Variants in ASH1L observed in about 807,000 individuals in gnomAD.
ASH1L encodes ASH1 like histone lysine methyltransferase, also known as histone-lysine N-methyltransferase ASH1L.
Under a neutral mutation model 269.0 loss-of-function variants are expected in ASH1L, and 23 were observed. The observed-to-expected ratio is 0.09, with a 90% CI of 0.06 to 0.12. ASH1L has a LOEUF of 0.12. Ranked by LOEUF, ASH1L falls within the 10% of genes least tolerant of loss-of-function variation. The pLI, the probability that ASH1L is intolerant of heterozygous loss-of-function variation, is 1.00. For synonymous variants in ASH1L, 1,187 were observed against 1,253.5 expected (o/e 0.95, Z 1.12); for missense variants, 2,912 against 3,567.8 (o/e 0.82, Z 4.68).
intron 13 of ASH1L, among the ~76,000 whole-genome samples, chr1:155,358,004 C>T (rs946122492): frequency 1.3e-5 from 2 of 152,022 alleles, no homozygotes; most frequent in Non-Finnish European, 2.9e-5. Context: ...CTCCAGGGCT[C>T]GAGCAACTCT....
At position 155,480,606 on chromosome 1, in the gene ASH1L, G is replaced by A; in HGVS notation, c.2264C>T (p.Ser755Phe). 1.2e-6 allele frequency: 2 copies of A among 1,614,110 alleles called. No individual in the cohort carries two copies. Among genetic ancestry groups the A allele is most frequent in the Non-Finnish European group, 1.7e-6 (2 of 1,179,976 alleles). Residue 755 changes from serine (S) to phenylalanine (F), a missense_variant, in exon 3 of 28, where the codon TCT (serine) becomes TTT (phenylalanine). Physicochemically the swap from Ser to Phe is radical, Grantham distance 155 (BLOSUM62 -2). This residue lies in a region of ASH1L where 715 missense variants were observed against 721.0 expected (regional missense o/e 0.99). Transcript: ENST00000392403. ...GTTTTTCATAAACTTGGCTGGCTCA[G>A]AATTACTATTTGATAGTGAGCTACA... ...VSCSSLSNSN[S>F]EPAKFMKNIG...
At chr1:155,432,791 A>G (rs1003070978) in intron 5 of ASH1L, among the ~76,000 whole-genome samples, 8 of 152,184 alleles carry the variant, frequency 5.3e-5, no homozygotes, top group Admixed American at 2.0e-4. Context: ...GTTGGAGTGC[A>G]GTGGTACAAT....
At position 155,459,790 on chromosome 1, in the gene ASH1L, C is replaced by T; in HGVS notation, c.5086+7G>A. On this transcript the variant is annotated splice_region_variant and intron_variant, in intron 4 of 27. Transcript: ENST00000392403. ...CTTGAAAATCTGGTAAAACAAATAG[C>T]ACTAGCCTGTTGAAGAAGTACTCTC... 1 of 1,604,680 alleles carries T rather than the reference C, an allele frequency of 6.2e-7. No individual in the cohort carries two copies. Among genetic ancestry groups the T allele is most frequent in the Middle Eastern group, 1.7e-4 (1 of 6,034 alleles).
chr1:155,411,578 A>ATAT (rs1558075462), intron 6 of ASH1L, among the ~76,000 whole-genome samples: 15 of 21,124 alleles, frequency 7.1e-4, no homozygotes, highest in African/African-American at 1.8e-3. Context: ...AATATAAATA[A>ATAT]ATAAATAAAT....
At position 155,380,094 on chromosome 1, in the gene ASH1L, TCTCTTTTGTCTTAGATACTTTCCTGAAA is replaced by T; in HGVS notation, c.6104-6_6125del. The T allele has an allele frequency of 6.2e-7, 1 of 1,613,114 alleles. No homozygotes were observed. Among genetic ancestry groups the T allele is most frequent in the Non-Finnish European group, 8.5e-7 (1 of 1,179,270 alleles). On this transcript the variant is annotated splice_acceptor_variant and splice_polypyrimidine_tract_variant and coding_sequence_variant and intron_variant, in exon 8 of 28. Transcript: ENST00000392403. LOFTEE classifies it high-confidence loss of function. ...TATCATAAGGAAGCTGGAAGTCAATTCTCTTTTGTCTTAGATACTTTCCTGAAACAAAAAACACTATTAATTTCAATAC... is the reference window on the plus strand; with the variant it reads ...TATCATAAGGAAGCTGGAAGTCAATTCAAAAAACACTATTAATTTCAATAC...
chr1:155,369,209 C>A (rs374848898), intron 12 of ASH1L, among the ~76,000 whole-genome samples: 4 of 152,140 alleles, frequency 2.6e-5, no homozygotes, highest in African/African-American at 9.6e-5. Context: ...TTTGGGAGGC[C>A]GAGGCGGGCG....
At chr1:155,456,636 T>C (rs747098815) in intron 4 of ASH1L, among the ~76,000 whole-genome samples, 2 of 152,158 alleles carry the variant, frequency 1.3e-5, no homozygotes, top group Non-Finnish European at 2.9e-5. Context: ...TTCATATATA[T>C]ACTGGTAGAT....
chr1:155,365,741 T>C (rs1444253309), intron 12 of ASH1L, among the ~76,000 whole-genome samples: 1 of 152,164 alleles, frequency 6.6e-6, no homozygotes, highest in East Asian at 1.9e-4. Flanking sequence ...ACTGGCCTCA[T>C]ACCTTTTCCA....
At chr1:155,455,456 T>G (rs1571258389) in intron 4 of ASH1L, among the ~76,000 whole-genome samples, 1 of 141,780 alleles carries the variant, frequency 7.1e-6, no homozygotes, top group South Asian at 2.3e-4. Flanking sequence ...TTGAGGCATC[T>G]TATCCAAAAT....
At chr1:155,377,212 A>G (rs879546927) in intron 10 of ASH1L, among the ~76,000 whole-genome samples, 29 of 152,160 alleles carry the variant, frequency 1.9e-4, no homozygotes, top group Non-Finnish European at 3.5e-4. Context: ...AGCCAAATTC[A>G]TAATTCTTAT....
chr1:155,437,337 G>GT (rs1558104022), intron 5 of ASH1L, among the ~76,000 whole-genome samples: 1 of 152,078 alleles, frequency 6.6e-6, no homozygotes, highest in Non-Finnish European at 1.5e-5. Flanking sequence ...GCCAATAAGC[G>GT]TATGAAAATA....
chr1:155,514,853 T>C (rs993461157), intron 2 of ASH1L, among the ~76,000 whole-genome samples: 1 of 151,726 alleles, frequency 6.6e-6, no homozygotes, highest in Non-Finnish European at 1.5e-5. Flanking sequence ...GCCGAGGAAC[T>C]CGGCAACTTC....
chr1:155,440,567 A>C, intron 4 of ASH1L: 1 of 951,694 alleles, frequency 1.1e-6, no homozygotes, highest in Non-Finnish European at 1.3e-6. Context: ...GTGACTTCTA[A>C]ATATTCATAC....
chr1:155,525,838 C>G (rs933763563), intron 1 of ASH1L, among the ~76,000 whole-genome samples: 9 of 151,588 alleles, frequency 5.9e-5, no homozygotes, highest in Non-Finnish European at 1.3e-4. Context: ...ATACCAAAAT[C>G]TGACGATGCT....
rs1192640395 is a variant in ASH1L at position 155,513,323 on chromosome 1, T to C, written c.420+7777A>G. Among the ~76,000 whole-genome samples, 3 of 151,892 alleles carry C rather than the reference T, an allele frequency of 2.0e-5. No individual in the cohort carries two copies. In the East Asian group the frequency reaches 5.8e-4, roughly 29 times the overall value. On this transcript the variant is annotated intron_variant, in intron 2 of 27. Transcript: ENST00000392403. Reference sequence around the variant, plus strand: ...TGGCTCACATGTAAATCCTAGCACTTTGGGAGGCTGAGACAGACAGACTGT... The same window carrying C: ...TGGCTCACATGTAAATCCTAGCACTCTGGGAGGCTGAGACAGACAGACTGT...
chr1:155,357,130 ACT>A (rs1558027248), intron 15 of ASH1L, among the ~76,000 whole-genome samples, 184 bp downstream of exon 15: 1 of 69,698 alleles, frequency 1.4e-5, no homozygotes, highest in Non-Finnish European at 3.0e-5. Context: ...AAAGGGTAAG[ACT>A]TAAAAAAAAA....
chr1:155,411,699 C>A (rs551211814), intron 6 of ASH1L, among the ~76,000 whole-genome samples: 1 of 146,412 alleles, frequency 6.8e-6, no homozygotes, highest in African/African-American at 2.5e-5. Context: ...AGGAGTGGGC[C>A]TCAGGAGATA....
chr1:155,493,648 A>AG (rs2148771863), intron 2 of ASH1L, among the ~76,000 whole-genome samples: 1 of 152,288 alleles, frequency 6.6e-6, no homozygotes, highest in South Asian at 2.1e-4. Flanking sequence ...CAGGAGGATC[A>AG]CCTGAGGTTG....
chr1:155,464,839 G>A (rs1158316941), intron 3 of ASH1L, among the ~76,000 whole-genome samples: 1 of 152,120 alleles, frequency 6.6e-6, no homozygotes, highest in Non-Finnish European at 1.5e-5. Flanking sequence ...ATTTAAACAA[G>A]AGGGGAAAGG....
Sources: allele counts gnomAD v4.1 joint callset (sites outside exome capture counted in the v4.1 genomes callset), GRCh38; gene constraint gnomAD v4.1.1; regional missense constraint gnomAD v4.1.1; transcripts MANE v1.5; gene names NCBI Gene and HGNC (gene_info 2026-07-23, HGNC 2026-07-21).